MLPH: variants seen among roughly 807,000 people sequenced by gnomAD.
The protein encoded by MLPH is melanophilin.
In MLPH, 51 loss-of-function variants were observed where a neutral mutation model predicts 72.1. That is an observed-to-expected ratio of 0.71 (90% CI 0.56 to 0.89). MLPH has a LOEUF of 0.89. Ranked by LOEUF, MLPH falls within the 40% of genes least tolerant of loss-of-function variation. The pLI, the probability that MLPH is intolerant of heterozygous loss-of-function variation, is 0.00. For synonymous variants in MLPH, 301 were observed against 310.1 expected (o/e 0.97, Z 0.31); for missense variants, 743 against 759.9 (o/e 0.98, Z 0.26).
At chr2:237,515,175 G>C (rs1236051013) in intron 4 of MLPH, among the ~76,000 whole-genome samples, 1 of 152,244 alleles carries the variant, frequency 6.6e-6, no homozygotes, top group Non-Finnish European at 1.5e-5. Context: ...TGGTAGAATT[G>C]TAAGCTGGTG....
chr2:237,494,159 C>A (rs745595129), intron 2 of MLPH, among the ~76,000 whole-genome samples: 18 of 151,798 alleles, frequency 1.2e-4, no homozygotes, highest in Non-Finnish European at 4.4e-5. Flanking sequence ...TAAGCAAAAG[C>A]TGAGAGGATG....
At chr2:237,517,387 A>T (rs1042480881) in intron 4 of MLPH, among the ~76,000 whole-genome samples, 2 of 151,246 alleles carry the variant, frequency 1.3e-5, no homozygotes, top group Non-Finnish European at 3.0e-5. Flanking sequence ...GGATGGGCAG[A>T]TAAGGTGGTA....
At chr2:237,493,579 T>C in intron 2 of MLPH, 43 bp downstream of exon 2, 1 of 1,501,744 alleles carries the variant, frequency 6.7e-7, no homozygotes. Context: ...GGGTCCCTGA[T>C]CTTCCCCCAG....
intron 11 of MLPH, 21 bp downstream of exon 11, chr2:237,540,978 G>C: frequency 6.3e-7 from 1 of 1,589,660 alleles, no homozygotes; most frequent in Non-Finnish European, 8.6e-7. Flanking sequence ...AGGCACAGGG[G>C]AGCACTGAGT....
chr2:237,493,778 A>G (rs985996889), intron 2 of MLPH, among the ~76,000 whole-genome samples: 2 of 152,212 alleles, frequency 1.3e-5, no homozygotes, highest in East Asian at 1.9e-4. Context: ...CCCAGCTTCC[A>G]GGGTGATATA....
chr2:237,541,522 C>A lies in MLPH; in HGVS notation c.1446+565C>A, dbSNP rs1333238004. Among the ~76,000 whole-genome samples, 1 of 152,206 alleles carries A rather than the reference C, an allele frequency of 6.6e-6. No individual in the cohort carries two copies. Among genetic ancestry groups the A allele is most frequent in the Non-Finnish European group, 1.5e-5 (1 of 68,046 alleles). ...TCGGACTGTGAGGACAGCCAGCCCC[C>A]ACGGCCCTCCTCCACTTCCCTTCTC... On this transcript the variant is annotated intron_variant, in intron 11 of 15. Coordinates refer to ENST00000264605, the MANE Select transcript of MLPH (RefSeq NM_024101.7). This position sits in a 1 kb window ranked among gnomAD's most constrained non-coding sequence, Gnocchi z 5.1.
At chr2:237,504,171 G>A (rs2079713443) in intron 2 of MLPH, among the ~76,000 whole-genome samples, 1 of 152,168 alleles carries the variant, frequency 6.6e-6, no homozygotes, top group Non-Finnish European at 1.5e-5. Context: ...GCCCTCCAGA[G>A]CTGTCAGGTA....
chr2:237,540,687 G>T, intron 10 of MLPH, 115 bp from the exon 11 acceptor site: 26 of 1,529,400 alleles, frequency 1.7e-5, no homozygotes, highest in Non-Finnish European at 2.2e-5. Flanking sequence ...GCCGGCTCCT[G>T]ACCAACCAGC....
intron 5 of MLPH, among the ~76,000 whole-genome samples, chr2:237,518,988 G>A (rs1363844689): frequency 6.6e-6 from 1 of 152,192 alleles, no homozygotes; most frequent in Admixed American, 6.5e-5. Context: ...GGCTCTCGAG[G>A]GTCCTGAGAG....
chr2:237,515,668 C>T (rs2080000848), intron 4 of MLPH, among the ~76,000 whole-genome samples: 1 of 152,142 alleles, frequency 6.6e-6, no homozygotes, highest in Non-Finnish European at 1.5e-5. Flanking sequence ...CCCACAACTA[C>T]CAGGGGTGCA....
chr2:237,540,581 G>A, intron 10 of MLPH, 48 bp downstream of exon 10: 2 of 1,580,316 alleles, frequency 1.3e-6, no homozygotes, highest in Non-Finnish European at 1.7e-6. Flanking sequence ...AGAGGTAGGG[G>A]CAGGGATGGA....
rs58268748 is a variant in MLPH, at chr2:237,501,664, T to TAAA, written c.110+8151_110+8153dup. On this transcript the variant is annotated intron_variant, in intron 2 of 15. Transcript: ENST00000264605. ...TAACATAGTGAAACCACGTCTCTAC[T>TAAA]AAAAAAAAAAAAAAAAAAAAAAAAA... 4.4e-3 allele frequency among the ~76,000 whole-genome samples: 280 copies of TAAA among 63,338 alleles called. 1 individual carries two copies. Among genetic ancestry groups the TAAA allele is most frequent in the African/African-American group, 6.7e-3 (60 of 8,960 alleles). 41.6% of individuals were successfully genotyped at this position (63,338 alleles called of 152,430 possible).
chr2:237,515,329 C>CTGAGG (rs2079991949), intron 4 of MLPH, among the ~76,000 whole-genome samples: 2 of 152,162 alleles, frequency 1.3e-5, no homozygotes, highest in African/African-American at 4.8e-5. Context: ...GTGCCGGGTC[C>CTGAGG]TGGGCTGTCC....
intron 4 of MLPH, among the ~76,000 whole-genome samples, chr2:237,517,000 GAT>G (rs2080045999): frequency 1.1e-5 from 1 of 90,532 alleles, no homozygotes; most frequent in Admixed American, 1.0e-4. Context: ...TAGGTGAGTG[GAT>G]GGATGGATGG....
At chr2:237,516,737 A>T (rs974011232) in intron 4 of MLPH, among the ~76,000 whole-genome samples, 2 of 151,886 alleles carry the variant, frequency 1.3e-5, no homozygotes, top group African/African-American at 4.8e-5. Flanking sequence ...CCTTCGCTGG[A>T]TGTTTCTCAG....
At chr2:237,498,991 C>G (rs2079592044) in intron 2 of MLPH, among the ~76,000 whole-genome samples, 1 of 152,144 alleles carries the variant, frequency 6.6e-6, no homozygotes, top group South Asian at 2.1e-4. Context: ...TCCCCACACT[C>G]TCTTGACTTT....
rs1421480891 is a variant in MLPH at position 237,552,098 on chromosome 2, C to T, written c.1676-239C>T. The T allele has an allele frequency of 8.1e-6, 4 of 494,612 alleles. No individual in the cohort carries two copies. In the South Asian group the frequency reaches 8.6e-5, roughly 11 times the overall value. The allele number at this position is 494,612 out of a possible 1,614,324, so 30.6% of individuals were successfully genotyped here. A position where few individuals can be genotyped will look rare whatever the true frequency, so the allele number is the denominator to read the frequency against. ...ATTAGTGTGAGGATTTCCAGGGCCA[C>T]AGTGAGGAAGAATGTTAATGCCAGT... On this transcript the variant is annotated intron_variant, in intron 14 of 15. Coordinates refer to ENST00000264605, the MANE Select transcript of MLPH (RefSeq NM_024101.7).
chr2:237,518,668 C>T lies in MLPH; in HGVS notation c.555+20C>T, dbSNP rs756407676. ...AGCAAAGTAAGTCATCTCCAGCCAC[C>T]CCCTCCTCAGCCACCTCGATTCCAT... On this transcript the variant is annotated intron_variant, in intron 5 of 15. Transcript: ENST00000264605. 2 of 1,586,508 alleles carry T rather than the reference C, an allele frequency of 1.3e-6. No homozygotes were observed. Among genetic ancestry groups the T allele is most frequent in the Admixed American group, 1.7e-5 (1 of 59,014 alleles).
chr2:237,548,020 C>T (rs1302555690), intron 13 of MLPH, among the ~76,000 whole-genome samples: 3 of 152,174 alleles, frequency 2.0e-5, no homozygotes, highest in African/African-American at 4.8e-5. Context: ...CAGTGACACG[C>T]GATGTTTTCA....
Sources: allele counts gnomAD v4.1 joint callset (sites outside exome capture counted in the v4.1 genomes callset), GRCh38; gene constraint gnomAD v4.1.1; non-coding constraint Gnocchi (gnomAD v3.1); transcripts MANE v1.5; gene names NCBI Gene and HGNC (gene_info 2026-07-23, HGNC 2026-07-21).